Variants in PTBP3 observed in about 807,000 individuals in gnomAD.
The protein encoded by PTBP3 is polypyrimidine tract binding protein 3.
A neutral mutation model predicts 58.7 loss-of-function variants in PTBP3; 20 were observed. That is an observed-to-expected ratio of 0.34 (90% CI 0.24 to 0.50). PTBP3 has a LOEUF of 0.50. PTBP3 is among the 20% of genes least tolerant of loss of function. PTBP3 has a pLI of 0.98. For missense variants in PTBP3, 509 were observed against 637.2 expected, an observed-to-expected ratio of 0.80 and a Z score of 2.17; for synonymous variants, 185 against 219.8, an observed-to-expected ratio of 0.84 and a Z score of 1.40.
chr9:112,326,904 T>G (rs139135740), intron 1 of PTBP3, among the ~76,000 whole-genome samples: 1 of 152,286 alleles, frequency 6.6e-6, no homozygotes, highest in East Asian at 1.9e-4. Flanking sequence ...GTTCTTCATT[T>G]AAAAGAATTC....
At chr9:112,353,173 C>A in the PTBP3 span, among the ~76,000 whole-genome samples, 1 of 148,276 alleles carries the variant, frequency 6.7e-6, no homozygotes, top group Non-Finnish European at 1.5e-5. Flanking sequence ...AGTGCTGGGA[C>A]TACAGGCGTG....
At chr9:112,305,552 G>A (rs965208826) in intron 1 of PTBP3, among the ~76,000 whole-genome samples, 3 of 152,090 alleles carry the variant, frequency 2.0e-5, no homozygotes, top group Non-Finnish European at 4.4e-5. Flanking sequence ...GTGTCCACTC[G>A]ACAACAGTAC....
chr9:112,318,833 A>G (rs929831566), intron 1 of PTBP3, among the ~76,000 whole-genome samples: 1 of 151,784 alleles, frequency 6.6e-6, no homozygotes, highest in Non-Finnish European at 1.5e-5. Flanking sequence ...AAATTAAGAA[A>G]ATTTCATTTA....
the PTBP3 span, among the ~76,000 whole-genome samples, chr9:112,369,103 A>G: frequency 6.6e-6 from 1 of 152,250 alleles, no homozygotes; most frequent in Non-Finnish European, 1.5e-5. Context: ...CTGGATGTCC[A>G]AGCAGAGGTG....
intron 3 of PTBP3, among the ~76,000 whole-genome samples, chr9:112,269,565 C>T (rs1214351803): frequency 6.6e-6 from 1 of 152,176 alleles, no homozygotes; most frequent in Non-Finnish European, 1.5e-5. Context: ...CTATGCCTGG[C>T]TATGACACCT....
chr9:112,333,846 C>G (rs1830497300), upstream of PTBP3, among the ~76,000 whole-genome samples: 2 of 150,050 alleles, frequency 1.3e-5, no homozygotes, highest in Admixed American at 1.3e-4. Flanking sequence ...CGCCTCTCGG[C>G]CCCTCGGCCC....
the PTBP3 span, among the ~76,000 whole-genome samples, chr9:112,357,069 A>T: frequency 6.6e-6 from 1 of 151,602 alleles, no homozygotes; most frequent in African/African-American, 2.4e-5. Flanking sequence ...TTTAGTAGAG[A>T]CGGGGTTTCA....
chr9:112,227,336 A>G (rs6477900), intron 12 of PTBP3, 75 bp downstream of exon 12: 1,200,405 of 1,488,262 alleles, frequency 0.81, 486,314 homozygotes, highest in African/African-American at 0.96. Flanking sequence ...CAATTTCAGA[A>G]GTTTTAACCT....
chr9:112,279,768 C>G (rs1280203558), intron 2 of PTBP3, among the ~76,000 whole-genome samples: 1 of 152,094 alleles, frequency 6.6e-6, no homozygotes, highest in Non-Finnish European at 1.5e-5. Context: ...TCATCTAAAC[C>G]ATAAACATCA....
chr9:112,238,201 T>C (rs895986079), intron 7 of PTBP3, among the ~76,000 whole-genome samples: 17 of 152,148 alleles, frequency 1.1e-4, no homozygotes, highest in Admixed American at 5.2e-4. Context: ...AAGATTTAAA[T>C]AGTATGTTTG....
chr9:112,298,290 T>A (rs957289009), intron 1 of PTBP3, among the ~76,000 whole-genome samples: 1 of 152,224 alleles, frequency 6.6e-6, no homozygotes, highest in Non-Finnish European at 1.5e-5. Context: ...GAATCCTGAC[T>A]TTTCAATACC....
At chr9:112,269,041 T>C (rs1484054563) in intron 3 of PTBP3, among the ~76,000 whole-genome samples, 2 of 151,512 alleles carry the variant, frequency 1.3e-5, no homozygotes, top group Admixed American at 6.6e-5. Flanking sequence ...ACTAAAACTA[T>C]AAAAATTAGC....
the PTBP3 span, among the ~76,000 whole-genome samples, chr9:112,351,829 G>T: frequency 6.6e-6 from 1 of 152,000 alleles, no homozygotes; most frequent in Non-Finnish European, 1.5e-5. Context: ...CAATGTGGGG[G>T]TTTTTTGGTT....
chr9:112,291,124 A>G (rs1202673428), intron 2 of PTBP3, among the ~76,000 whole-genome samples: 1 of 152,056 alleles, frequency 6.6e-6, no homozygotes, highest in Non-Finnish European at 1.5e-5. Context: ...TGGGAGGCTG[A>G]GGCAGGATAA....
intron 4 of PTBP3, among the ~76,000 whole-genome samples, chr9:112,267,130 C>T (rs1035101968): frequency 2.0e-5 from 3 of 151,536 alleles, no homozygotes; most frequent in African/African-American, 4.9e-5. Flanking sequence ...AGAGGCCAAA[C>T]ATGCCCTTAA....
intron 5 of PTBP3, among the ~76,000 whole-genome samples, chr9:112,259,276 A>G (rs898431933): frequency 1.3e-5 from 2 of 152,178 alleles, no homozygotes; most frequent in Non-Finnish European, 2.9e-5. Context: ...TATAGCAACA[A>G]GAGTGATTCT....
intron 7 of PTBP3, among the ~76,000 whole-genome samples, chr9:112,241,936 C>G (rs1835676241): frequency 6.6e-6 from 1 of 152,128 alleles, no homozygotes; most frequent in Non-Finnish European, 1.5e-5. Context: ...TTCTCTTGTT[C>G]AGCATAATCC....
the PTBP3 span, among the ~76,000 whole-genome samples, chr9:112,344,143 G>T: frequency 6.6e-6 from 1 of 151,600 alleles, no homozygotes; most frequent in African/African-American, 2.4e-5. Flanking sequence ...TTTATGTTTT[G>T]GGCCTTTTGT....
intron 1 of PTBP3, among the ~76,000 whole-genome samples, chr9:112,312,148 T>C (rs1314331184): frequency 1.3e-5 from 2 of 151,968 alleles, no homozygotes; most frequent in Non-Finnish European, 2.9e-5. Context: ...TTCCAACAAA[T>C]CATTGATTAC....
Sources: gnomAD v4.1 joint callset for allele counts (sites outside exome capture counted in the v4.1 genomes callset) on GRCh38, gnomAD v4.1.1 for gene constraint, MANE v1.5 for transcripts, NCBI Gene and HGNC (gene_info 2026-07-23, HGNC 2026-07-21) for gene names.